The following MYOF variants were observed in gnomAD, a reference collection of about 807,000 sequenced individuals.
MYOF encodes the protein fer-1-like 3, myoferlin.
Under a neutral mutation model 284.2 loss-of-function variants are expected in MYOF, and 244 were observed. The ratio of observed to expected loss-of-function variants is 0.86; its 90% CI spans 0.77 to 0.95. MYOF has a LOEUF of 0.95. MYOF is among the 40% of genes least tolerant of loss of function. The probability of loss-of-function intolerance (pLI) is 0.00; values close to 1 mark genes in which losing one functional copy is unlikely to be tolerated. For missense variants in MYOF, 2,496 were observed against 2,560.6 expected (o/e 0.97, Z 0.54); for synonymous variants, 904 against 919.7 (o/e 0.98, Z 0.31).
chr10:93,349,798 G>A lies in MYOF; in HGVS notation c.4083+10C>T, dbSNP rs373721381. ...CGCGCATGGGTGATCACAGAGAATC[G>A]ATACTGTACCACTTTCATGAAGAGA... On this transcript the variant is annotated intron_variant, in intron 36 of 53. Transcript: ENST00000359263. 4.3e-6 allele frequency: 7 copies of A among 1,613,470 alleles called. No homozygotes were observed. The highest frequency in any genetic ancestry group is 3.3e-5 in the South Asian group (3 of 90,992).
Position 93,333,879 on chromosome 10 carries a change from G to A in MYOF, c.4598C>T (p.Pro1533Leu). ...CTGTCTGGGAGGGGCTGGCACGCTGGGGTCATCCGGCAGAGGGTAGATCCG... is the reference window on the plus strand; with the variant it reads ...CTGTCTGGGAGGGGCTGGCACGCTGAGGTCATCCGGCAGAGGGTAGATCCG... The part of the protein sequence containing the change: ...SFRIYPLPDD[P>L]SVPAPPRQFR... Residue 1533 changes from proline to leucine, a missense_variant, in exon 42 of 54, where the codon CCC becomes CTC. This residue lies in a region of MYOF where 2,436 missense variants were observed against 2,480.7 expected (regional missense o/e 0.98). Transcript: ENST00000359263. The A allele has an allele frequency of 2.5e-6, 4 of 1,614,028 alleles. No homozygotes were observed. Among genetic ancestry groups the A allele is most frequent in the Non-Finnish European group, 3.4e-6 (4 of 1,180,016 alleles).
At chr10:93,447,086 C>T (rs1288674797) in intron 3 of MYOF, among the ~76,000 whole-genome samples, 1 of 152,132 alleles carries the variant, frequency 6.6e-6, no homozygotes, top group African/African-American at 2.4e-5. Context: ...ATGCATGGTG[C>T]CCCTGAACCT....
intron 39 of MYOF, among the ~76,000 whole-genome samples, chr10:93,339,120 C>A (rs576206269): frequency 1.3e-5 from 2 of 149,292 alleles, no homozygotes; most frequent in East Asian, 4.1e-4. Context: ...TCAAGCGATT[C>A]TCCTGCCTCA....
intron 29 of MYOF, among the ~76,000 whole-genome samples, chr10:93,359,103 C>T (rs1277371470): frequency 6.6e-6 from 1 of 152,154 alleles, no homozygotes; most frequent in East Asian, 1.9e-4. Flanking sequence ...GTCATAGTGC[C>T]TACCGGAGTT....
At chr10:93,366,325 T>C (rs549760242) in intron 26 of MYOF, 67 bp downstream of exon 26, 2 of 1,498,902 alleles carry the variant, frequency 1.3e-6, no homozygotes, top group Admixed American at 3.8e-5. Context: ...GGAGATATAA[T>C]ATATTTAGCA....
chr10:93,382,770 G>A (rs1846183292), intron 19 of MYOF, among the ~76,000 whole-genome samples: 3 of 152,220 alleles, frequency 2.0e-5, no homozygotes, highest in Admixed American at 2.0e-4. Context: ...GGTTTAGGTT[G>A]CTGTGTTTCA....
At chr10:93,446,676 C>G (rs1021883757) in intron 3 of MYOF, among the ~76,000 whole-genome samples, 5 of 151,918 alleles carry the variant, frequency 3.3e-5, no homozygotes, top group Non-Finnish European at 7.4e-5. Context: ...TTACCTTTTT[C>G]TGTTATGCCT....
intron 5 of MYOF, among the ~76,000 whole-genome samples, chr10:93,411,270 G>A (rs1847888247): frequency 6.6e-6 from 1 of 152,192 alleles, no homozygotes; most frequent in African/African-American, 2.4e-5. Flanking sequence ...GGAAGTCCAA[G>A]ATCAAGGCAC....
intron 4 of MYOF, among the ~76,000 whole-genome samples, chr10:93,426,503 C>A (rs1164278534): frequency 6.6e-6 from 1 of 152,236 alleles, no homozygotes; most frequent in African/African-American, 2.4e-5. Flanking sequence ...ATTACAATTA[C>A]AGAGGGTCAC....
At chr10:93,366,837 G>A (rs1845347474) in intron 25 of MYOF, among the ~76,000 whole-genome samples, 3 of 152,138 alleles carry the variant, frequency 2.0e-5, no homozygotes, top group Non-Finnish European at 4.4e-5. Flanking sequence ...AAATGATTGC[G>A]AACGTGCTTT....
chr10:93,349,774 G>A (rs557524737), intron 36 of MYOF, 34 bp downstream of exon 36: 40 of 1,609,600 alleles, frequency 2.5e-5, no homozygotes, highest in Middle Eastern at 1.7e-4. Context: ...ATATTTCAAC[G>A]CGCATGGGTG....
Position 93,377,482 on chromosome 10 carries a change from A to G in MYOF, c.2002-53T>C, listed in dbSNP as rs886968722. The G allele has an allele frequency of 5.9e-5, 73 of 1,232,598 alleles. 1 individual carries two copies. Among genetic ancestry groups the G allele is most frequent in the African/African-American group, 1.5e-5 (1 of 67,300 alleles). 76.4% of individuals were successfully genotyped at this position (1,232,598 alleles called of 1,614,324 possible). On this transcript the variant is annotated intron_variant, in intron 21 of 53. Transcript: ENST00000359263. ...ATTGATAATTGTTCATTATGCCATT[A>G]TACCTTTTCATATAGTTTAACCTGT...
rs1273853534 is a variant in MYOF, at chr10:93,306,764, A to G, written c.*199T>C. 1.2e-5 allele frequency: 7 copies of G among 581,804 alleles called. No homozygotes were observed. The highest frequency in any genetic ancestry group is 2.1e-5 in the Non-Finnish European group (7 of 327,832). The allele number at this position is 581,804 out of a possible 1,614,324, so 36.0% of individuals were successfully genotyped here. On this transcript the variant is annotated 3_prime_UTR_variant, in exon 54 of 54. Transcript: ENST00000359263. ...TAGAAAATAAAACTTTTAATACTTAAGAGATAACATGATGCAAACGTTGCT... is the reference window on the plus strand; with the variant it reads ...TAGAAAATAAAACTTTTAATACTTAGGAGATAACATGATGCAAACGTTGCT...
In MYOF at chr10:93,316,750, A is replaced by G. The variant is rs1842628893; in HGVS notation, c.5662T>C (p.Trp1888Arg). The stretch of plus-strand genomic sequence containing the variant: ...TCCAGAGAAAACTTGTCATTGTCCC[A>G]TATCTGAATGATCAGCCTGGGTGGG... ...RIPPRLIIQI[W>R]DNDKFSLDDY... Residue 1888 changes from tryptophan to arginine, a missense_variant, in exon 50 of 54, where the codon TGG (tryptophan) becomes CGG (arginine). Physicochemically the swap from Trp to Arg is moderately radical, Grantham distance 101. Transcript: ENST00000359263. 1.2e-6 allele frequency: 2 copies of G among 1,613,932 alleles called. No homozygotes were observed. The highest frequency in any genetic ancestry group is 1.7e-5 in the Admixed American group (1 of 59,996).
chr10:93,331,043 G>A (rs1195608687), intron 43 of MYOF, among the ~76,000 whole-genome samples: 1 of 152,180 alleles, frequency 6.6e-6, no homozygotes. Context: ...AAGGTTCTGA[G>A]AAGTCCTGCA....
At chr10:93,382,531 G>A (rs1323917132) in intron 19 of MYOF, among the ~76,000 whole-genome samples, 1 of 152,068 alleles carries the variant, frequency 6.6e-6, no homozygotes, top group Non-Finnish European at 1.5e-5. Flanking sequence ...TTAAATTACT[G>A]GTTTACTAAG....
At chr10:93,380,284 T>C (rs553513816) in intron 20 of MYOF, among the ~76,000 whole-genome samples, 112 of 152,306 alleles carry the variant, frequency 7.4e-4, no homozygotes, top group Non-Finnish European at 1.2e-3. Flanking sequence ...CTTAACGTGG[T>C]AGTAGAAAAT....
At chr10:93,366,691 T>TA in intron 25 of MYOF, 136 bp from the exon 26 acceptor site, 1 of 693,632 alleles carries the variant, frequency 1.4e-6, no homozygotes, top group Non-Finnish European at 2.3e-6. Context: ...GCTCAGAAGG[T>TA]ATGGACCTAA....
At chr10:93,324,762 C>T (rs1200828934) in intron 46 of MYOF, among the ~76,000 whole-genome samples, 1 of 152,022 alleles carries the variant, frequency 6.6e-6, no homozygotes, top group Admixed American at 6.6e-5. Flanking sequence ...TATTTGCATC[C>T]ATTAGATTAA....
Sources: gnomAD v4.1 joint callset for allele counts (sites outside exome capture counted in the v4.1 genomes callset) on GRCh38, gnomAD v4.1.1 for gene constraint, gnomAD v4.1.1 regional missense constraint, MANE v1.5 for transcripts, NCBI Gene and HGNC (gene_info 2026-07-23, HGNC 2026-07-21) for gene names.